The following PDE7B variants were observed in gnomAD, a reference collection of about 807,000 sequenced individuals.
PDE7B encodes the protein 3',5'-cyclic-AMP phosphodiesterase 7B.
PDE7B carries 29 observed loss-of-function variants against 56.2 expected under a neutral mutation model. The observed-to-expected ratio is 0.52, with a 90% CI of 0.38 to 0.70. The LOEUF (loss-of-function observed/expected upper bound fraction) is 0.70. PDE7B is among the 30% of genes least tolerant of loss of function. The pLI is 0.00. For synonymous variants in PDE7B, 197 were observed against 196.9 expected, an observed-to-expected ratio of 1.00 and a Z score of 0.00; for missense variants, 490 against 565.0, an observed-to-expected ratio of 0.87 and a Z score of 1.35.
intron 8 of PDE7B, among the ~76,000 whole-genome samples, chr6:136,163,393 C>A (rs910169164): frequency 1.3e-5 from 2 of 152,194 alleles, no homozygotes; most frequent in Non-Finnish European, 1.5e-5. Flanking sequence ...GCTGAAACAG[C>A]TGGGATGCAG....
rs1030616735 is a variant in PDE7B, at chr6:136,069,901, A to G, written c.83-38830A>G. ...TTTCTGTCTATTGATCAATGAAACTATCTCTAATCCGAGTCATCATTAAAG... is the reference window on the plus strand; with the variant it reads ...TTTCTGTCTATTGATCAATGAAACTGTCTCTAATCCGAGTCATCATTAAAG... On this transcript the variant is annotated intron_variant, in intron 2 of 12. Transcript: ENST00000308191. Among the ~76,000 whole-genome samples, 3 of 152,314 alleles carry G rather than the reference A, an allele frequency of 2.0e-5. No homozygotes were observed. In the South Asian group the frequency reaches 6.2e-4, roughly 32 times the overall value.
At chr6:136,135,048 C>T (rs1004720305) in intron 3 of PDE7B, among the ~76,000 whole-genome samples, 35 of 152,116 alleles carry the variant, frequency 2.3e-4, no homozygotes, top group Non-Finnish European at 2.9e-4. Context: ...TCCCCCTGCT[C>T]CTCCCACTTG....
At chr6:136,070,546 CT>C (rs5880278) in intron 2 of PDE7B, among the ~76,000 whole-genome samples, 74,461 of 151,862 alleles carry the variant, frequency 0.49, 19,849 homozygotes, top group African/African-American at 0.72. Flanking sequence ...CTCTAATCTG[CT>C]TTTTTTATTT....
intron 1 of PDE7B, among the ~76,000 whole-genome samples, chr6:135,871,807 C>A (rs906738724): frequency 6.6e-6 from 1 of 151,984 alleles, no homozygotes; most frequent in South Asian, 2.1e-4. Flanking sequence ...ATATAATATA[C>A]ACATTCATGT....
At chr6:136,182,684 T>C (rs1460204128) in intron 11 of PDE7B, among the ~76,000 whole-genome samples, 2 of 152,228 alleles carry the variant, frequency 1.3e-5, no homozygotes, top group East Asian at 1.9e-4. Context: ...CAGGACCATG[T>C]CACTTATGTA....
At chr6:135,924,907 G>A (rs1159300344) in intron 1 of PDE7B, among the ~76,000 whole-genome samples, 3 of 150,976 alleles carry the variant, frequency 2.0e-5, no homozygotes, top group Non-Finnish European at 4.4e-5. Flanking sequence ...AAAAAAAGAT[G>A]CTGTTCTAAA....
At chr6:135,915,749 C>T (rs1398677198) in intron 1 of PDE7B, among the ~76,000 whole-genome samples, 3 of 152,300 alleles carry the variant, frequency 2.0e-5, no homozygotes, top group Admixed American at 1.3e-4. Context: ...ATTTTTTCCA[C>T]CATAGATTAG....
chr6:135,911,272 G>A (rs1219055537), intron 1 of PDE7B, among the ~76,000 whole-genome samples: 6 of 152,056 alleles, frequency 3.9e-5, no homozygotes, highest in Non-Finnish European at 5.9e-5. Context: ...AGCTGTTCAG[G>A]GAAAAATATA....
At chr6:136,012,465 T>C (rs1775911055) in intron 2 of PDE7B, among the ~76,000 whole-genome samples, 1 of 152,262 alleles carries the variant, frequency 6.6e-6, no homozygotes, top group African/African-American at 2.4e-5. Flanking sequence ...TTACTCATTT[T>C]ACTAATACAA....
At chr6:136,066,944 C>T (rs931791317) in intron 2 of PDE7B, among the ~76,000 whole-genome samples, 1 of 151,120 alleles carries the variant, frequency 6.6e-6, no homozygotes, top group African/African-American at 2.4e-5. Context: ...CAGCCTAGAA[C>T]TCCTGGCCGC....
At chr6:135,908,569 G>C (rs1776157508) in intron 1 of PDE7B, among the ~76,000 whole-genome samples, 1 of 152,022 alleles carries the variant, frequency 6.6e-6, no homozygotes, top group Non-Finnish European at 1.5e-5. Flanking sequence ...AACACTGGAA[G>C]CAACTGAAAT....
chr6:135,975,204 A>G (rs757796109), intron 2 of PDE7B, among the ~76,000 whole-genome samples: 4 of 151,772 alleles, frequency 2.6e-5, no homozygotes, highest in Non-Finnish European at 4.4e-5. Flanking sequence ...TGTAAAATAT[A>G]CTGATTGATA....
intron 9 of PDE7B, among the ~76,000 whole-genome samples, chr6:136,176,807 T>A (rs904723190): frequency 3.9e-5 from 6 of 152,182 alleles, no homozygotes; most frequent in Admixed American, 1.3e-4. Flanking sequence ...GGTATTACAA[T>A]CTTTCAATAA....
chr6:136,091,436 T>G (rs1777382840), intron 2 of PDE7B, among the ~76,000 whole-genome samples: 1 of 152,246 alleles, frequency 6.6e-6, no homozygotes, highest in Non-Finnish European at 1.5e-5. Flanking sequence ...AAAGCTTATC[T>G]TTTTCTAAGT....
At chr6:136,073,031 G>T (rs1777074253) in intron 2 of PDE7B, among the ~76,000 whole-genome samples, 1 of 152,120 alleles carries the variant, frequency 6.6e-6, no homozygotes, top group East Asian at 1.9e-4. Context: ...GTTGCTTGGG[G>T]CTGGGCCGCT....
chr6:135,898,714 A>T (rs1029744799), intron 1 of PDE7B, among the ~76,000 whole-genome samples: 1 of 152,186 alleles, frequency 6.6e-6, no homozygotes, highest in African/African-American at 2.4e-5. Flanking sequence ...ACAAAATTTA[A>T]TCTGTCTCCT....
chr6:135,893,977 T>G (rs1202701821), intron 1 of PDE7B, among the ~76,000 whole-genome samples: 1 of 152,184 alleles, frequency 6.6e-6, no homozygotes, highest in Non-Finnish European at 1.5e-5. Context: ...CTTGATCCGT[T>G]TATATATTCA....
chr6:135,881,891 T>C (rs1396604037), intron 1 of PDE7B, among the ~76,000 whole-genome samples: 1 of 152,164 alleles, frequency 6.6e-6, no homozygotes, highest in Non-Finnish European at 1.5e-5. Flanking sequence ...AAAAACAGAC[T>C]TGAAAATGTG....
chr6:136,058,626 A>G (rs1352105912), intron 2 of PDE7B, among the ~76,000 whole-genome samples: 1 of 152,234 alleles, frequency 6.6e-6, no homozygotes, highest in Non-Finnish European at 1.5e-5. Flanking sequence ...AAGCAATGGT[A>G]GATTCAGGAG....
Sources: gnomAD v4.1 joint callset for allele counts (sites outside exome capture counted in the v4.1 genomes callset) on GRCh38, gnomAD v4.1.1 for gene constraint, MANE v1.5 for transcripts, NCBI Gene and HGNC (gene_info 2026-07-23, HGNC 2026-07-21) for gene names.